The following RUNX2 variants were observed in gnomAD, a reference collection of about 807,000 sequenced individuals.
The protein encoded by RUNX2 is runt-related transcription factor 2.
RUNX2 carries 10 observed loss-of-function variants against 51.7 expected under a neutral mutation model. That is an observed-to-expected ratio of 0.19 (90% CI 0.12 to 0.33). The LOEUF (loss-of-function observed/expected upper bound fraction) is 0.33, where lower values mean the gene tolerates loss of function less well. Among genes scored for constraint, RUNX2 ranks in the 10% least tolerant of loss-of-function variants. The probability of loss-of-function intolerance (pLI) is 1.00; values close to 1 mark genes in which losing one functional copy is unlikely to be tolerated. For missense variants in RUNX2, 562 were observed against 691.3 expected (o/e 0.81, Z 2.10); for synonymous variants, 276 against 273.6 (o/e 1.01, Z -0.09).
intron 5 of RUNX2, among the ~76,000 whole-genome samples, chr6:45,475,278 C>A (rs1799925999): frequency 6.6e-6 from 1 of 152,050 alleles, no homozygotes; most frequent in Admixed American, 6.6e-5. Flanking sequence ...ATTTTTACTT[C>A]TATTTGAGGG....
chr6:45,395,103 A>G (rs577745081), intron 2 of RUNX2, among the ~76,000 whole-genome samples: 26 of 152,268 alleles, frequency 1.7e-4, no homozygotes, highest in Non-Finnish European at 2.8e-4. Context: ...TCTGTTCCTG[A>G]CAATCTGTGA....
At chr6:45,402,960 T>A (rs191724035) in intron 2 of RUNX2, among the ~76,000 whole-genome samples, 290 of 152,238 alleles carry the variant, frequency 1.9e-3, no homozygotes, top group African/African-American at 6.7e-3. Flanking sequence ...AAGTATATTT[T>A]AAAAAAATAA....
chr6:45,445,939 G>A (rs930975811), intron 5 of RUNX2, among the ~76,000 whole-genome samples: 1 of 152,038 alleles, frequency 6.6e-6, no homozygotes, highest in Non-Finnish European at 1.5e-5. Context: ...TTGTTGACTG[G>A]CTGTCAGGAG....
intron 2 of RUNX2, chr6:45,365,138 A>G (rs910901488): frequency 5.0e-6 from 5 of 992,100 alleles, no homozygotes; most frequent in Non-Finnish European, 6.0e-6. Flanking sequence ...TGTTATGTCT[A>G]TTGTCTTTCA....
chr6:45,405,964 A>T (rs191729614), intron 2 of RUNX2, among the ~76,000 whole-genome samples: 1 of 152,182 alleles, frequency 6.6e-6, no homozygotes, highest in East Asian at 1.9e-4. Flanking sequence ...TATATTACCT[A>T]TTTCATACAG....
chr6:45,351,793 A>G (rs1792106967), intron 2 of RUNX2, among the ~76,000 whole-genome samples: 1 of 152,134 alleles, frequency 6.6e-6, no homozygotes, highest in East Asian at 1.9e-4. Flanking sequence ...TCTGCCCTTC[A>G]AATACCTAAA....
intron 5 of RUNX2, among the ~76,000 whole-genome samples, chr6:45,448,418 A>G (rs969093682): frequency 6.6e-6 from 1 of 152,216 alleles, no homozygotes; most frequent in African/African-American, 2.4e-5. Context: ...TGTCTTTTGT[A>G]GGGTAAACGA....
chr6:45,328,798 T>A lies in RUNX2; in HGVS notation c.58+14T>A. 3 of 1,611,260 alleles carry A rather than the reference T, an allele frequency of 1.9e-6. No homozygotes were observed. ...ACTTCTTTTGGGGTAAGTGTTACCA[T>A]TTTTAAAATCCTGTAAGATATGAAC... On this transcript the variant is annotated intron_variant, in intron 2 of 8. Transcript: ENST00000647337.
chr6:45,522,889 A>G (rs1012198919), intron 7 of RUNX2, among the ~76,000 whole-genome samples: 3 of 152,194 alleles, frequency 2.0e-5, no homozygotes, highest in Admixed American at 6.5e-5. Context: ...GACTAAGACA[A>G]TTTCTGTTTA....
intron 2 of RUNX2, among the ~76,000 whole-genome samples, chr6:45,392,426 C>T (rs1797491438): frequency 6.6e-6 from 1 of 152,100 alleles, no homozygotes; most frequent in Non-Finnish European, 1.5e-5. Flanking sequence ...AGGAGGAATG[C>T]ATGAGTCCAG....
rs942896362 is a variant in RUNX2 at position 45,443,654 on chromosome 6, T to A, written c.685+5603T>A. ...AAATACTCCAAATTTACTAGTCTAA[T>A]CGTAGTGTCATTCTGAATTGAACAG... On this transcript the variant is annotated intron_variant, in intron 5 of 8. Coordinates refer to ENST00000647337, the MANE Select transcript of RUNX2 (RefSeq NM_001024630.4). Among the ~76,000 whole-genome samples the A allele has an allele frequency of 7.9e-5, 12 of 152,334 alleles. No individual in the cohort carries two copies. In the East Asian group the frequency reaches 1.5e-3, roughly 20 times the overall value.
intron 3 of RUNX2, 42 bp from the exon 4 acceptor site, chr6:45,431,821 C>A (rs899402639): frequency 1.6e-5 from 26 of 1,606,524 alleles, no homozygotes; most frequent in Non-Finnish European, 2.2e-5. Flanking sequence ...GTAAGCCTTT[C>A]TGATGTGCCA....
At chr6:45,466,972 C>T (rs965512827) in intron 5 of RUNX2, among the ~76,000 whole-genome samples, 1 of 152,188 alleles carries the variant, frequency 6.6e-6, no homozygotes, top group African/African-American at 2.4e-5. Flanking sequence ...TGCTCCTAAC[C>T]ACCAAACTTC....
chr6:45,403,190 G>GTTTAAGGTCTC (rs1466731864), intron 2 of RUNX2, among the ~76,000 whole-genome samples: 1 of 148,212 alleles, frequency 6.7e-6, no homozygotes. Flanking sequence ...TTGGCCATGG[G>GTTTAAGGTCTC]TTTAAGGTCT....
chr6:45,356,096 T>C (rs932866825), intron 2 of RUNX2, among the ~76,000 whole-genome samples: 5 of 152,264 alleles, frequency 3.3e-5, no homozygotes, highest in African/African-American at 1.2e-4. Context: ...CTCACTCCTC[T>C]TCTCTAGAAA....
intron 2 of RUNX2, among the ~76,000 whole-genome samples, chr6:45,398,583 A>C (rs570572500): frequency 6.6e-6 from 1 of 152,224 alleles, no homozygotes; most frequent in East Asian, 1.9e-4. Flanking sequence ...TTTCTTGACC[A>C]CAATCTGGCA....
intron 5 of RUNX2, among the ~76,000 whole-genome samples, chr6:45,481,181 C>T (rs1800102640): frequency 6.6e-6 from 1 of 152,134 alleles, no homozygotes; most frequent in South Asian, 2.1e-4. Flanking sequence ...TAGAAAGGAT[C>T]GCATGCTAAG....
intron 3 of RUNX2, among the ~76,000 whole-genome samples, chr6:45,424,115 C>T (rs1377572994): frequency 6.6e-6 from 1 of 152,254 alleles, no homozygotes; most frequent in African/African-American, 2.4e-5. Flanking sequence ...GGCCTCTGCG[C>T]GCCCCGCAGA....
chr6:45,420,705 C>T (rs1020660858), intron 2 of RUNX2, among the ~76,000 whole-genome samples: 1 of 152,146 alleles, frequency 6.6e-6, no homozygotes, highest in African/African-American at 2.4e-5. Context: ...CGTAGTAGTA[C>T]ACAACGCCGA....
Sources: gnomAD v4.1 joint callset for allele counts (sites outside exome capture counted in the v4.1 genomes callset) on GRCh38, gnomAD v4.1.1 for gene constraint, MANE v1.5 for transcripts, NCBI Gene and HGNC (gene_info 2026-07-23, HGNC 2026-07-21) for gene names.